CDH13: variants seen among roughly 807,000 people sequenced by gnomAD.
CDH13 encodes the protein cadherin 13, also known as cadherin-13.
In CDH13, 24 loss-of-function variants were observed where a neutral mutation model predicts 63.8. The observed-to-expected ratio is 0.38, with a 90% CI of 0.27 to 0.53. The LOEUF is 0.53. CDH13 is among the 20% of genes least tolerant of loss of function. CDH13 has a pLI of 0.85. For synonymous variants in CDH13, 503 were observed against 355.3 expected, an observed-to-expected ratio of 1.42 and a Z score of -4.67; for missense variants, 1,049 against 903.1, an observed-to-expected ratio of 1.16 and a Z score of -2.07.
chr16:83,747,383 G>T (rs1165100788), intron 10 of CDH13, among the ~76,000 whole-genome samples: 1 of 152,048 alleles, frequency 6.6e-6, no homozygotes, highest in Admixed American at 6.6e-5. Flanking sequence ...CATTTTGCTT[G>T]GTTTCACTCT....
chr16:83,226,447 C>G lies in CDH13; in HGVS notation c.636+8950C>G, dbSNP rs905646529. 2.6e-5 allele frequency among the ~76,000 whole-genome samples: 4 copies of G among 152,168 alleles called. No individual in the cohort carries two copies. The South Asian group carries it at 8.3e-4, about 32-fold the overall frequency. On this transcript the variant is annotated intron_variant, in intron 5 of 13. Coordinates refer to ENST00000567109, the MANE Select transcript of CDH13 (RefSeq NM_001257.5). ...TTGAATCTTGGCAGGTGGGAGAACC[C>G]CACATTCCTTAATTTTCTCTTCTCC...
intron 3 of CDH13, among the ~76,000 whole-genome samples, chr16:83,070,945 A>T (rs560732046): frequency 1.4e-5 from 2 of 146,500 alleles, no homozygotes; most frequent in African/African-American, 5.0e-5. Flanking sequence ...GAGGGGAGTT[A>T]TGCTTCACGC....
chr16:82,885,793 C>T (rs965340004), intron 2 of CDH13, among the ~76,000 whole-genome samples: 4 of 152,050 alleles, frequency 2.6e-5, no homozygotes, highest in African/African-American at 9.7e-5. Context: ...CGTTTTTATG[C>T]TTCTATGGCC....
intron 7 of CDH13, among the ~76,000 whole-genome samples, chr16:83,596,029 TGTTTG>T (rs1907220979): frequency 6.6e-6 from 1 of 152,224 alleles, no homozygotes; most frequent in East Asian, 1.9e-4. Flanking sequence ...GCTCAAAAGC[TGTTTG>T]GAGTTGCAGT....
At chr16:83,525,030 C>G (rs2074928200) in intron 7 of CDH13, among the ~76,000 whole-genome samples, 1 of 152,148 alleles carries the variant, frequency 6.6e-6, no homozygotes, top group Non-Finnish European at 1.5e-5. Flanking sequence ...GATTCTTTTT[C>G]TCTGTAAGGA....
intron 1 of CDH13, among the ~76,000 whole-genome samples, chr16:82,670,109 C>T (rs1269013983): frequency 1.3e-5 from 2 of 152,170 alleles, no homozygotes; most frequent in Non-Finnish European, 2.9e-5. Flanking sequence ...AGTCACCGAG[C>T]ATATGGGGCT....
At chr16:82,863,976 A>G (rs1000140195) in intron 2 of CDH13, among the ~76,000 whole-genome samples, 1 of 152,220 alleles carries the variant, frequency 6.6e-6, no homozygotes, top group African/African-American at 2.4e-5. Flanking sequence ...TACTTTTGCC[A>G]GGCTTTCCTT....
chr16:83,375,192 GT>G (rs1420922451), intron 6 of CDH13, among the ~76,000 whole-genome samples: 1 of 152,212 alleles, frequency 6.6e-6, no homozygotes, highest in Non-Finnish European at 1.5e-5. Context: ...AGGCAAAGCT[GT>G]TTAGTTACTT....
At chr16:83,493,122 C>T (rs2074055539) in intron 7 of CDH13, among the ~76,000 whole-genome samples, 1 of 152,170 alleles carries the variant, frequency 6.6e-6, no homozygotes, top group Non-Finnish European at 1.5e-5. Context: ...ATCTCATTGG[C>T]TTATTGAAAA....
Position 83,521,681 on chromosome 16 carries a change from C to A in CDH13, c.960+35026C>A, listed in dbSNP as rs77187886. On this transcript the variant is annotated intron_variant, in intron 7 of 13. Coordinates refer to ENST00000567109, the MANE Select transcript of CDH13 (RefSeq NM_001257.5). ...ATTGTATATGTAGACACCAGCCACC[C>A]CCGGAAAAGAACATGAGTGGGTAAT... is the stretch of plus-strand genomic sequence containing the variant. 2.4e-3 allele frequency among the ~76,000 whole-genome samples: 364 copies of A among 152,264 alleles called. 7 individuals carry two copies. The East Asian group carries it at 0.053, about 22-fold the overall frequency.
chr16:83,139,647 A>T (rs900186255), intron 4 of CDH13, among the ~76,000 whole-genome samples: 1 of 152,074 alleles, frequency 6.6e-6, no homozygotes, highest in Non-Finnish European at 1.5e-5. Context: ...TTTTCTTATT[A>T]TAAGAGTAAT....
At chr16:83,342,155 A>T (rs765915616) in intron 5 of CDH13, among the ~76,000 whole-genome samples, 25 of 152,100 alleles carry the variant, frequency 1.6e-4, no homozygotes, top group Non-Finnish European at 2.2e-4. Context: ...TGGAGTACTG[A>T]GTTTTTTCAT....
intron 3 of CDH13, among the ~76,000 whole-genome samples, chr16:83,098,932 A>G (rs1297861125): frequency 3.3e-5 from 5 of 152,228 alleles, no homozygotes; most frequent in Admixed American, 3.3e-4. Context: ...GAGCCTGATA[A>G]TAACAATCTC....
intron 4 of CDH13, among the ~76,000 whole-genome samples, chr16:83,193,579 C>T (rs529225677): frequency 7.2e-5 from 11 of 152,314 alleles, no homozygotes; most frequent in African/African-American, 2.4e-4. Flanking sequence ...GACCTTTTCC[C>T]ACAATCTCTG....
intron 1 of CDH13, among the ~76,000 whole-genome samples, chr16:82,653,168 T>C (rs8061983): frequency 0.083 from 12,586 of 152,154 alleles, 608 homozygotes; most frequent in African/African-American, 0.13. Context: ...TTTTTCCAAG[T>C]GTCTGTGAAG....
At chr16:82,901,539 A>G (rs141465744) in intron 2 of CDH13, among the ~76,000 whole-genome samples, 1 of 152,144 alleles carries the variant, frequency 6.6e-6, no homozygotes, top group Admixed American at 6.5e-5. Context: ...AGAATGAATG[A>G]AACTACCCTC....
chr16:83,005,549 G>T (rs142427728), intron 2 of CDH13, among the ~76,000 whole-genome samples: 1 of 151,770 alleles, frequency 6.6e-6, no homozygotes, highest in Non-Finnish European at 1.5e-5. Flanking sequence ...GTGTTTTCCA[G>T]TTGTGAAGGG....
chr16:83,524,445 CTTTTTTTTTTTTTTT>C (rs150233410), intron 7 of CDH13, among the ~76,000 whole-genome samples: 1 of 59,278 alleles, frequency 1.7e-5, no homozygotes. Context: ...TTTCTTTTTT[CTTTTTTTTTTTTTTT>C]TTTTTTTTTT....
At chr16:82,705,166 G>C (rs764885978) in intron 1 of CDH13, 2 of 455,842 alleles carry the variant, frequency 4.4e-6, no homozygotes, top group African/African-American at 2.0e-5. Flanking sequence ...AAAGGATCCA[G>C]GTAAACAGAT....
Sources: allele counts gnomAD v4.1 joint callset (sites outside exome capture counted in the v4.1 genomes callset), GRCh38; gene constraint gnomAD v4.1.1; transcripts MANE v1.5; gene names NCBI Gene and HGNC (gene_info 2026-07-23, HGNC 2026-07-21).